The following CRISP3 variants were observed in gnomAD, a reference collection of about 807,000 sequenced individuals.
The protein encoded by CRISP3 is cysteine rich secretory protein 3, also known as cysteine-rich secretory protein 3.
Under a neutral mutation model 36.1 loss-of-function variants are expected in CRISP3, and 33 were observed. The ratio of observed to expected loss-of-function variants is 0.91; its 90% CI spans 0.69 to 1.22. The LOEUF (loss-of-function observed/expected upper bound fraction) is 1.22, where lower values mean the gene tolerates loss of function less well. Ranked by LOEUF, CRISP3 falls within the 50% of genes most tolerant of loss-of-function variation. The probability of loss-of-function intolerance (pLI) is 0.00; values close to 1 mark genes in which losing one functional copy is unlikely to be tolerated. For missense variants in CRISP3, 330 were observed against 301.2 expected, an observed-to-expected ratio of 1.10 and a Z score of -0.71; for synonymous variants, 117 against 104.6, an observed-to-expected ratio of 1.12 and a Z score of -0.72.
At position 49,731,899 on chromosome 6, in the gene CRISP3, G is replaced by GA. The variant is rs538268685; in HGVS notation, c.561-649dup. Among the ~76,000 whole-genome samples the GA allele has an allele frequency of 1.1e-3, 174 of 151,926 alleles. 4 individuals carry two copies. The highest frequency in any genetic ancestry group is 0.011 in the South Asian group (54 of 4,812). On this transcript the variant is annotated intron_variant, in intron 6 of 7. Coordinates refer to ENST00000263045, the MANE Select transcript of CRISP3 (RefSeq NM_006061.4). Reference sequence around the variant, plus strand: ...GTTTGCCAAGAATGGGAATGTTAGGGAAAAAAAGATTTAATTAATACTAAT... The same window carrying GA: ...GTTTGCCAAGAATGGGAATGTTAGGGAAAAAAAAGATTTAATTAATACTAAT...
At chr6:49,732,255 AG>A (rs1395306056) in intron 6 of CRISP3, among the ~76,000 whole-genome samples, 1 of 152,152 alleles carries the variant, frequency 6.6e-6, no homozygotes, top group African/African-American at 2.4e-5. Context: ...GCAGTCTCCC[AG>A]GGTCTTTCAA....
In CRISP3 at chr6:49,728,753, T is replaced by C. The variant is rs377601560; in HGVS notation, c.754A>G (p.Asn252Asp). 2.5e-6 allele frequency: 4 copies of C among 1,611,920 alleles called. No individual in the cohort carries two copies. The highest frequency in any genetic ancestry group is 3.4e-6 in the Non-Finnish European group (4 of 1,178,896). ...ATTTAATAAATGCTGTTTGAACAAT[T>C]GCAGGAGGCCTTGCAACTGTCCCTG... ...LVRDSCKASC[N>D]CSNSIY Residue 252 changes from asparagine to aspartate, a missense_variant, in exon 8 of 8, where the codon AAT becomes GAT. Transcript: ENST00000263045.
intron 1 of CRISP3, among the ~76,000 whole-genome samples, chr6:49,741,900 T>C (rs935720249): frequency 1.4e-5 from 2 of 147,532 alleles, no homozygotes; most frequent in African/African-American, 2.5e-5. Context: ...ATATAAAATA[T>C]ATTATTATAT....
intron 1 of CRISP3, among the ~76,000 whole-genome samples, chr6:49,739,637 G>A (rs1027351963): frequency 6.6e-6 from 1 of 152,076 alleles, no homozygotes; most frequent in Non-Finnish European, 1.5e-5. Context: ...ACAGAGAGTC[G>A]CTGTAATATT....
At chr6:49,733,895 T>A (rs1768978538) in intron 4 of CRISP3, 47 bp from the exon 5 acceptor site, 1 of 1,561,774 alleles carries the variant, frequency 6.4e-7, no homozygotes, top group South Asian at 1.1e-5. Flanking sequence ...AAGCATGCAA[T>A]GGCAAAATAC....
intron 1 of CRISP3, among the ~76,000 whole-genome samples, chr6:49,742,122 G>A (rs979336063): frequency 6.6e-6 from 1 of 151,654 alleles, no homozygotes; most frequent in African/African-American, 2.4e-5. Context: ...TACAGTATCT[G>A]GGAAACAACA....
rs938412104 is a variant in CRISP3 at position 49,728,668 on chromosome 6, C to G, written c.*62G>C. 7.1e-7 allele frequency: 1 copy of G among 1,399,986 alleles called. No individual in the cohort carries two copies. Among genetic ancestry groups the G allele is most frequent in the Non-Finnish European group, 9.5e-7 (1 of 1,055,462 alleles). 86.7% of individuals were successfully genotyped at this position (1,399,986 alleles called of 1,614,324 possible). The stretch of plus-strand genomic sequence containing the variant: ...AGTATATGTTAAATCTAAGTAGATG[C>G]CAAATCTAAGTAGATAATCTGACTC... On this transcript the variant is annotated 3_prime_UTR_variant, in exon 8 of 8. Transcript: ENST00000263045.
intron 2 of CRISP3, among the ~76,000 whole-genome samples, 189 bp from the exon 3 acceptor site, chr6:49,736,696 G>A (rs1164563301): frequency 6.6e-6 from 1 of 152,062 alleles, no homozygotes; most frequent in African/African-American, 2.4e-5. Flanking sequence ...TTCAGAATGG[G>A]GATATAATTC....
chr6:49,739,153 C>T (rs1017676471), intron 1 of CRISP3, among the ~76,000 whole-genome samples: 1 of 152,174 alleles, frequency 6.6e-6, no homozygotes, highest in African/African-American at 2.4e-5. Context: ...TATGTTGATG[C>T]CCTAACTCCT....
At chr6:49,729,258 C>A (rs1309700450) in intron 7 of CRISP3, among the ~76,000 whole-genome samples, 1 of 152,080 alleles carries the variant, frequency 6.6e-6, no homozygotes, top group Non-Finnish European at 1.5e-5. Flanking sequence ...CTTTCCTCAA[C>A]AACACCAGTT....
In CRISP3 at chr6:49,728,502, T is replaced by C. The variant is rs551563183; in HGVS notation, c.*228A>G. 1.9e-5 allele frequency: 6 copies of C among 323,238 alleles called. No individual in the cohort carries two copies. The East Asian group carries it at 2.5e-4, about 14-fold the overall frequency. The allele number at this position is 323,238 out of a possible 1,614,324, so 20.0% of individuals were successfully genotyped here. A position where few individuals can be genotyped will look rare whatever the true frequency, so the allele number is the denominator to read the frequency against. On this transcript the variant is annotated 3_prime_UTR_variant, in exon 8 of 8. Transcript: ENST00000263045. ...AAATTTAAATCACAAAGTTTATATA[T>C]AAAAATCCAAAGTTGTTGTTATAGA...
intron 7 of CRISP3, among the ~76,000 whole-genome samples, chr6:49,729,578 T>C (rs563511042): frequency 6.6e-6 from 1 of 152,304 alleles, no homozygotes; most frequent in East Asian, 1.9e-4. Flanking sequence ...CAACAACTGT[T>C]CACTTCGTTC....
At position 49,736,562 on chromosome 6, in the gene CRISP3, A is replaced by G. The variant is rs1769058112; in HGVS notation, c.112-55T>C. The G allele has an allele frequency of 6.5e-6, 8 of 1,227,206 alleles. No individual in the cohort carries two copies. In the South Asian group the frequency reaches 8.5e-5, roughly 13 times the overall value. The allele number at this position is 1,227,206 out of a possible 1,614,324, so 76.0% of individuals were successfully genotyped here. On this transcript the variant is annotated intron_variant, in intron 2 of 7. Transcript: ENST00000263045. ...TTAACATTGTTGGAAATTGCACATA[A>G]TAGTAACTATGTTAGTTCAAGGGAA...
intron 1 of CRISP3, among the ~76,000 whole-genome samples, chr6:49,742,409 G>A (rs1022159811): frequency 1.6e-4 from 25 of 151,924 alleles, no homozygotes; most frequent in African/African-American, 5.6e-4. Flanking sequence ...AGGAGGGTGG[G>A]TTGCCTGAGC....
chr6:49,734,181 C>T (rs1299482806), intron 4 of CRISP3, among the ~76,000 whole-genome samples: 1 of 152,172 alleles, frequency 6.6e-6, no homozygotes, highest in East Asian at 1.9e-4. Context: ...GCCTTATGAG[C>T]TTTCAGCTTT....
chr6:49,740,720 C>T (rs1164283380), intron 1 of CRISP3, among the ~76,000 whole-genome samples: 1 of 147,266 alleles, frequency 6.8e-6, no homozygotes, highest in Non-Finnish European at 1.5e-5. Context: ...CAATCGATTC[C>T]TCTTTATTTG....
chr6:49,738,222 C>T (rs974729347), intron 1 of CRISP3, among the ~76,000 whole-genome samples: 1 of 152,132 alleles, frequency 6.6e-6, no homozygotes, highest in Non-Finnish European at 1.5e-5. Flanking sequence ...ATAAACTATA[C>T]TAAAAAGTTT....
chr6:49,736,056 A>T (rs1769043483), intron 3 of CRISP3, among the ~76,000 whole-genome samples: 1 of 149,622 alleles, frequency 6.7e-6, no homozygotes, highest in South Asian at 2.1e-4. Context: ...TTTACCCTAC[A>T]TGGCATTTAT....
At chr6:49,732,861 T>C (rs976452362) in intron 6 of CRISP3, among the ~76,000 whole-genome samples, 2 of 152,200 alleles carry the variant, frequency 1.3e-5, no homozygotes, top group African/African-American at 4.8e-5. Context: ...CAGTTTCTCG[T>C]GTGTAAACTT....
Sources: allele counts gnomAD v4.1 joint callset (sites outside exome capture counted in the v4.1 genomes callset), GRCh38; gene constraint gnomAD v4.1.1; transcripts MANE v1.5; gene names NCBI Gene and HGNC (gene_info 2026-07-23, HGNC 2026-07-21).